Variants in RUNX1 observed in about 807,000 individuals in gnomAD.
RUNX1 encodes RUNX family transcription factor 1, also known as runt-related transcription factor 1.
In RUNX1, 19 loss-of-function variants were observed where a neutral mutation model predicts 42.8. The ratio of observed to expected loss-of-function variants is 0.44; its 90% confidence interval spans 0.31 to 0.65. The LOEUF (loss-of-function observed/expected upper bound fraction) is 0.65. Ranked by LOEUF, RUNX1 falls within the 30% of genes least tolerant of loss-of-function variation. The probability of loss-of-function intolerance (pLI) is 0.07; values close to 1 mark genes in which losing one functional copy is unlikely to be tolerated. For synonymous variants in RUNX1, 271 were observed against 289.4 expected (o/e 0.94, Z 0.64); for missense variants, 528 against 672.0 (o/e 0.79, Z 2.37).
At chr21:34,868,687 C>T (rs1481772696) in intron 5 of RUNX1, among the ~76,000 whole-genome samples, 2 of 152,202 alleles carry the variant, frequency 1.3e-5, no homozygotes, top group East Asian at 1.9e-4. Flanking sequence ...CCTTGGCTCC[C>T]GCCACACCCA....
chr21:34,866,752 G>GC (rs2057668510), intron 5 of RUNX1, among the ~76,000 whole-genome samples: 1 of 152,122 alleles, frequency 6.6e-6, no homozygotes, highest in Non-Finnish European at 1.5e-5. Flanking sequence ...TAAGATGTCG[G>GC]CGTACTGTAT....
At chr21:34,853,128 A>G (rs1039471577) in intron 6 of RUNX1, among the ~76,000 whole-genome samples, 2 of 152,184 alleles carry the variant, frequency 1.3e-5, no homozygotes, top group African/African-American at 2.4e-5. Flanking sequence ...TCTATGTTGT[A>G]CAACACCCCG....
rs1009505763 is a variant in RUNX1, at chr21:34,896,818, A to T, written c.59-3855T>A. Among the ~76,000 whole-genome samples the T allele has an allele frequency of 2.0e-5, 3 of 152,228 alleles. No homozygotes were observed. The East Asian group carries it at 5.8e-4, about 29-fold the overall frequency. ...ACTGGATTTGTCTACAGAGAGTGCC[A>T]TGTAACCTTTGCCAAAGGAGCTTCA... is the stretch of plus-strand genomic sequence containing the variant. On this transcript the variant is annotated intron_variant, in intron 2 of 8. Transcript: ENST00000675419.
intron 7 of RUNX1, among the ~76,000 whole-genome samples, chr21:34,819,799 G>A (rs758657743): frequency 3.0e-4 from 46 of 152,280 alleles, no homozygotes; most frequent in South Asian, 8.3e-4. Flanking sequence ...CCAAAGCCTC[G>A]TATTCCCACA....
chr21:34,863,395 A>G (rs1175894598), intron 5 of RUNX1, among the ~76,000 whole-genome samples: 1 of 152,222 alleles, frequency 6.6e-6, no homozygotes, highest in African/African-American at 2.4e-5. Context: ...GCATTTTCTT[A>G]CTGAGCTGCG....
intron 5 of RUNX1, among the ~76,000 whole-genome samples, chr21:34,874,282 T>C (rs1226644923): frequency 6.6e-6 from 1 of 151,902 alleles, no homozygotes; most frequent in African/African-American, 2.4e-5. Flanking sequence ...TCTGAACTTG[T>C]GTCATAATCA....
At chr21:35,012,308 C>T (rs1460838344) in intron 2 of RUNX1, among the ~76,000 whole-genome samples, 1 of 152,116 alleles carries the variant, frequency 6.6e-6, no homozygotes, top group Non-Finnish European at 1.5e-5. Flanking sequence ...ACATGACCTC[C>T]TTTTCTAGGA....
intron 2 of RUNX1, among the ~76,000 whole-genome samples, chr21:34,914,307 C>T (rs1341685903): frequency 6.6e-6 from 1 of 152,142 alleles, no homozygotes; most frequent in East Asian, 1.9e-4. Context: ...GACGTTAAGA[C>T]CAAGATTAGT....
chr21:35,017,919 C>A (rs1180290997), intron 2 of RUNX1, among the ~76,000 whole-genome samples: 1 of 152,144 alleles, frequency 6.6e-6, no homozygotes, highest in East Asian at 1.9e-4. Flanking sequence ...GCTTTGGGTC[C>A]AGCAAGGGCA....
At chr21:34,914,516 G>T (rs535948880) in intron 2 of RUNX1, among the ~76,000 whole-genome samples, 1 of 152,212 alleles carries the variant, frequency 6.6e-6, no homozygotes, top group South Asian at 2.1e-4. Flanking sequence ...TTTCACGGGG[G>T]GCAGCATTTC....
intron 2 of RUNX1, among the ~76,000 whole-genome samples, chr21:34,991,871 GGACA>G (rs1275962571): frequency 6.6e-6 from 1 of 152,132 alleles, no homozygotes; most frequent in Non-Finnish European, 1.5e-5. Context: ...AAGAAAAAAC[GGACA>G]GACAGAGGGA....
intron 2 of RUNX1, among the ~76,000 whole-genome samples, chr21:35,047,598 C>CTCTCTCTCTCTCTCTCT (rs1601710945): frequency 7.1e-6 from 1 of 141,168 alleles, no homozygotes; most frequent in Non-Finnish European, 1.5e-5. Flanking sequence ...CTCTCTCTCT[C>CTCTCTCTCTCTCTCTCT]ATCAAGTTTT....
chr21:34,848,161 T>A (rs1015490763), intron 6 of RUNX1, among the ~76,000 whole-genome samples: 2 of 152,328 alleles, frequency 1.3e-5, no homozygotes, highest in East Asian at 3.9e-4. Flanking sequence ...AACAGAGGGA[T>A]ATCATACTCC....
At chr21:35,037,511 G>T (rs543296096) in intron 2 of RUNX1, among the ~76,000 whole-genome samples, 1 of 152,148 alleles carries the variant, frequency 6.6e-6, no homozygotes, top group African/African-American at 2.4e-5. Context: ...CAAGCCTTTC[G>T]CTCTGTAAGG....
rs1489441016 is a variant in RUNX1, at chr21:34,896,665, A to G, written c.59-3702T>C. On this transcript the variant is annotated intron_variant, in intron 2 of 8. Transcript: ENST00000675419. ...GCCATTGCACTCCAGCCTAGGAGAC[A>G]GGATGAGACTCTGTCTCATAAAAAG... Among the ~76,000 whole-genome samples, 3 of 151,506 alleles carry G rather than the reference A, an allele frequency of 2.0e-5. No homozygotes were observed. The East Asian group carries it at 5.8e-4, about 29-fold the overall frequency.
rs1601516291 is a variant in RUNX1 at position 34,880,711 on chromosome 21, C to G, written c.354G>C (p.Val118=). The change falls in exon 5 of 9, where the codon GTG becomes GTC. Residue 118 remains valine, a splice_region_variant and synonymous_variant. Transcript: ENST00000675419. ...CNKTLPIAFK[V]VALGDVPDGT... ...CATCTGGAACATCCCCTAGGGCCAC[C>G]ACCTAAACACCAGTCAAAGGACAAA... The G allele has an allele frequency of 6.2e-7, 1 of 1,614,066 alleles. No homozygotes were observed. Among genetic ancestry groups the G allele is most frequent in the Non-Finnish European group, 8.5e-7 (1 of 1,179,980 alleles).
At chr21:34,869,286 C>G (rs144432740) in intron 5 of RUNX1, among the ~76,000 whole-genome samples, 20 of 152,286 alleles carry the variant, frequency 1.3e-4, no homozygotes, top group African/African-American at 4.8e-4. Context: ...TCGCTTTTAT[C>G]ATCCTAACAT....
At position 34,789,104 on chromosome 21, in the gene RUNX1, T is replaced by A. The variant is rs2056404435; in HGVS notation, c.*3031A>T. On this transcript the variant is annotated 3_prime_UTR_variant, in exon 9 of 9. Coordinates refer to ENST00000675419, the MANE Select transcript of RUNX1 (RefSeq NM_001754.5). ...TTTGCTGGTTTGGACAGCAAGCAGA[T>A]CCAATATGGTTGGCAATGTCTCTGT... The A allele has an allele frequency of 4.3e-6, 1 of 233,160 alleles. No individual in the cohort carries two copies. Among genetic ancestry groups the A allele is most frequent in the Non-Finnish European group, 8.5e-6 (1 of 118,074 alleles). 14.4% of individuals were successfully genotyped at this position (233,160 alleles called of 1,614,324 possible).
At chr21:34,852,270 A>C (rs1792436345) in intron 6 of RUNX1, among the ~76,000 whole-genome samples, 1 of 152,192 alleles carries the variant, frequency 6.6e-6, no homozygotes, top group African/African-American at 2.4e-5. Flanking sequence ...TACACAGGCC[A>C]CGCCAGCTCA....
Sources: gnomAD v4.1 joint callset for allele counts (sites outside exome capture counted in the v4.1 genomes callset) on GRCh38, gnomAD v4.1.1 for gene constraint, MANE v1.5 for transcripts, NCBI Gene and HGNC (gene_info 2026-07-23, HGNC 2026-07-21) for gene names.